Variants in TMEM202 observed in about 807,000 individuals in gnomAD.
TMEM202 encodes the protein transmembrane protein 202.
A neutral mutation model predicts 26.1 loss-of-function variants in TMEM202; 25 were observed. The ratio of observed to expected loss-of-function variants is 0.96; its 90% CI spans 0.70 to 1.34. The LOEUF is 1.34. Ranked by LOEUF, TMEM202 falls within the 40% of genes most tolerant of loss-of-function variation. The pLI, the probability that TMEM202 is intolerant of heterozygous loss-of-function variation, is 0.00. For synonymous variants in TMEM202, 122 were observed against 119.0 expected (o/e 1.02, Z -0.16); for missense variants, 301 against 327.7 (o/e 0.92, Z 0.63).
At chr15:72,400,858 A>T (rs1460176982) in intron 2 of TMEM202, among the ~76,000 whole-genome samples, 1 of 152,240 alleles carries the variant, frequency 6.6e-6, no homozygotes, top group Non-Finnish European at 1.5e-5. Flanking sequence ...TCTTTATTAT[A>T]TGCTAAACAA....
chr15:72,398,323 C>T lies in TMEM202; in HGVS notation c.-4C>T. 6.2e-7 allele frequency: 1 copy of T among 1,611,738 alleles called. No homozygotes were observed. On this transcript the variant is annotated 5_prime_UTR_variant, in exon 1 of 5. Coordinates refer to ENST00000341689, the MANE Select transcript of TMEM202 (RefSeq NM_001080462.3). ...CCGTGGCAGTTAGAGAACTAACTGCCAAGATGGAGCGAAGGGAACATTTAA... is the reference window on the plus strand; with the variant it reads ...CCGTGGCAGTTAGAGAACTAACTGCTAAGATGGAGCGAAGGGAACATTTAA...
In TMEM202 at chr15:72,407,871, CA is replaced by C. The variant is rs2063580929; in HGVS notation, c.803del (p.Lys268SerfsTer11). The C allele has an allele frequency of 6.2e-7, 1 of 1,613,748 alleles. No homozygotes were observed. The highest frequency in any genetic ancestry group is 2.2e-5 in the East Asian group (1 of 44,862). ...CTAAGTGTGAGAGAGAAAAATTTACCAAAGTCAGGACTGTGGTGGTGATAGG... is the reference window on the plus strand; with the variant it reads ...CTAAGTGTGAGAGAGAAAAATTTACCAAGTCAGGACTGTGGTGGTGATAGG... ...ESLSVREKNL[P>X]KSGLWW On this transcript the variant is annotated frameshift_variant, in exon 5 of 5. Coordinates refer to ENST00000341689, the MANE Select transcript of TMEM202 (RefSeq NM_001080462.3). LOFTEE classifies it high-confidence loss of function.
chr15:72,405,767 C>A (rs2063568023), intron 2 of TMEM202, among the ~76,000 whole-genome samples: 1 of 152,118 alleles, frequency 6.6e-6, no homozygotes, highest in African/African-American at 2.4e-5. Flanking sequence ...GCGGGCAGAT[C>A]ACCTGAGGTC....
intron 3 of TMEM202, 115 bp downstream of exon 3, chr15:72,406,866 C>A: frequency 7.8e-7 from 1 of 1,279,158 alleles, no homozygotes; most frequent in Non-Finnish European, 1.1e-6. Context: ...TTCAGTATCA[C>A]ACCAACTTGC....
At position 72,399,532 on chromosome 15, in the gene TMEM202, T is replaced by C. The variant is rs528426786; in HGVS notation, c.337+624T>C. ...GAATTAGAAGAGAAGTGATTGATCATAGCTGGAAGATAAAGCAAATATCTT... is the reference window on the plus strand; with the variant it reads ...GAATTAGAAGAGAAGTGATTGATCACAGCTGGAAGATAAAGCAAATATCTT... On this transcript the variant is annotated intron_variant, in intron 2 of 4. Transcript: ENST00000341689. 5.3e-5 allele frequency among the ~76,000 whole-genome samples: 8 copies of C among 152,334 alleles called. No homozygotes were observed. The South Asian group carries it at 1.7e-3, about 32-fold the overall frequency.
chr15:72,407,036 G>A (rs546641654), intron 3 of TMEM202, 50 bp from the exon 4 acceptor site: 1 of 1,603,828 alleles, frequency 6.2e-7, no homozygotes, highest in Admixed American at 1.7e-5. Flanking sequence ...TGGCGGGGAA[G>A]ACAGACTGAA....
chr15:72,406,575 G>A (rs749992695), intron 2 of TMEM202, 27 bp from the exon 3 acceptor site: 6 of 1,609,496 alleles, frequency 3.7e-6, no homozygotes, highest in South Asian at 2.2e-5. Context: ...GACTAACCAC[G>A]GTCTTCCTTT....
chr15:72,403,419 A>G (rs780352260), intron 2 of TMEM202, among the ~76,000 whole-genome samples: 8 of 152,196 alleles, frequency 5.3e-5, no homozygotes, highest in Non-Finnish European at 8.8e-5. Flanking sequence ...GTGCCTTGGT[A>G]TTCTTGTAAC....
chr15:72,398,956 C>A (rs1354889553), intron 2 of TMEM202, 48 bp downstream of exon 2: 1 of 1,568,170 alleles, frequency 6.4e-7, no homozygotes, highest in Admixed American at 1.8e-5. Context: ...AATTGCAGAG[C>A]TTTCTGCTCA....
At position 72,399,575 on chromosome 15, in the gene TMEM202, A is replaced by G. The variant is rs143361393; in HGVS notation, c.337+667A>G. Among the ~76,000 whole-genome samples the G allele has an allele frequency of 1.3e-3, 198 of 152,364 alleles. 1 individual carries two copies. Among genetic ancestry groups the G allele is most frequent in the African/African-American group, 4.5e-3 (189 of 41,588 alleles). On this transcript the variant is annotated intron_variant, in intron 2 of 4. Transcript: ENST00000341689. ...AATATCTTAACCTCTATTAGATTTAACTTTCAAGGTCAGCTTGTTCTTCTC... is the reference window on the plus strand; with the variant it reads ...AATATCTTAACCTCTATTAGATTTAGCTTTCAAGGTCAGCTTGTTCTTCTC...
chr15:72,401,113 T>C (rs1203922316), intron 2 of TMEM202, among the ~76,000 whole-genome samples: 1 of 152,222 alleles, frequency 6.6e-6, no homozygotes, highest in Non-Finnish European at 1.5e-5. Context: ...TTTGGCTGGC[T>C]TCTTTACCAC....
At chr15:72,398,546 T>A in intron 1 of TMEM202, 107 bp from the exon 2 acceptor site, 1 of 1,452,766 alleles carries the variant, frequency 6.9e-7, no homozygotes, top group South Asian at 1.4e-5. Flanking sequence ...GGGAAAAATA[T>A]CTATAAATCA....
intron 2 of TMEM202, among the ~76,000 whole-genome samples, 158 bp downstream of exon 2, chr15:72,399,066 C>T (rs1357059647): frequency 6.6e-6 from 1 of 152,212 alleles, no homozygotes; most frequent in African/African-American, 2.4e-5. Flanking sequence ...TGTGCCCTTT[C>T]TCTCTCCTAT....
At chr15:72,406,152 C>T (rs992227836) in intron 2 of TMEM202, among the ~76,000 whole-genome samples, 1 of 151,254 alleles carries the variant, frequency 6.6e-6, no homozygotes, top group East Asian at 1.9e-4. Context: ...AGAAAAAAAC[C>T]CACATGATAT....
At chr15:72,404,120 T>G (rs376489001) in intron 2 of TMEM202, among the ~76,000 whole-genome samples, 25 of 152,242 alleles carry the variant, frequency 1.6e-4, no homozygotes, top group African/African-American at 5.8e-4. Context: ...TTTATAAAGA[T>G]TCAGAAGAAT....
In TMEM202 at chr15:72,401,972, C is replaced by G. The variant is rs2063549585; in HGVS notation, c.337+3064C>G. On this transcript the variant is annotated intron_variant, in intron 2 of 4. Coordinates refer to ENST00000341689, the MANE Select transcript of TMEM202 (RefSeq NM_001080462.3). The stretch of plus-strand genomic sequence containing the variant: ...ATACATTATTTATTTATTTATTTAT[C>G]TATTTATTTTTGAGATCGAATCTCA... Among the ~76,000 whole-genome samples the G allele has an allele frequency of 2.6e-5, 4 of 151,924 alleles. No individual in the cohort carries two copies. The South Asian group carries it at 8.3e-4, about 32-fold the overall frequency.
intron 1 of TMEM202, 58 bp from the exon 2 acceptor site, chr15:72,398,595 G>A (rs2063532601): frequency 6.3e-7 from 1 of 1,592,464 alleles, no homozygotes; most frequent in African/African-American, 1.3e-5. Context: ...AAGAGCGGGT[G>A]ACCCTGGGGA....
chr15:72,404,582 T>C (rs2063562953), intron 2 of TMEM202, among the ~76,000 whole-genome samples: 1 of 152,108 alleles, frequency 6.6e-6, no homozygotes. Context: ...GTCATTCAGC[T>C]TTGTTTATGT....
intron 3 of TMEM202, among the ~76,000 whole-genome samples, 161 bp from the exon 4 acceptor site, chr15:72,406,925 A>C (rs1208140668): frequency 6.6e-6 from 1 of 152,194 alleles, no homozygotes; most frequent in Admixed American, 6.5e-5. Context: ...AGCTGACTTT[A>C]CCAGGGTATA....
Sources: gnomAD v4.1 joint callset for allele counts (sites outside exome capture counted in the v4.1 genomes callset) on GRCh38, gnomAD v4.1.1 for gene constraint, MANE v1.5 for transcripts, NCBI Gene and HGNC (gene_info 2026-07-23, HGNC 2026-07-21) for gene names.